The following TUBB6 variants were observed in gnomAD, a reference collection of about 807,000 sequenced individuals.
TUBB6 encodes tubulin beta-6 chain.
A neutral mutation model predicts 32.3 loss-of-function variants in TUBB6; 18 were observed. That is an observed-to-expected ratio of 0.56 (90% confidence interval 0.39 to 0.83). The LOEUF (loss-of-function observed/expected upper bound fraction) is 0.83, where lower values mean the gene tolerates loss of function less well. TUBB6 is among the 40% of genes least tolerant of loss of function. The probability of loss-of-function intolerance (pLI) is 0.00; values close to 1 mark genes in which losing one functional copy is unlikely to be tolerated. For synonymous variants in TUBB6, 280 were observed against 265.8 expected, an observed-to-expected ratio of 1.05 and a Z score of -0.52; for missense variants, 480 against 632.0, an observed-to-expected ratio of 0.76 and a Z score of 2.58.
intron 2 of TUBB6, among the ~76,000 whole-genome samples, chr18:12,310,173 T>A (rs1906285768): frequency 6.6e-6 from 1 of 151,936 alleles, no homozygotes; most frequent in South Asian, 2.1e-4. Flanking sequence ...GTTCTAGGAT[T>A]TTTTTTCTTT....
intron 3 of TUBB6, among the ~76,000 whole-genome samples, chr18:12,324,597 C>T (rs578137925): frequency 3.3e-5 from 5 of 151,700 alleles, no homozygotes; most frequent in African/African-American, 1.2e-4. Flanking sequence ...CTACAGGCTC[C>T]CCACCACCAC....
chr18:12,308,553 C>T (rs1011564336), intron 1 of TUBB6, 134 bp from the exon 2 acceptor site: 5 of 786,976 alleles, frequency 6.4e-6, no homozygotes, highest in Non-Finnish European at 1.0e-5. Flanking sequence ...CCACCCCCAT[C>T]CCAACTGGGA....
upstream of TUBB6, chr18:12,307,731 C>G (rs1370055065): frequency 6.6e-6 from 1 of 152,122 alleles, no homozygotes; most frequent in African/African-American, 2.4e-5. Flanking sequence ...CTCTGTATCT[C>G]CGGAGACGGA....
chr18:12,326,082 T>C lies in TUBB6; in HGVS notation c.1293T>C (p.Asn431=). ...AGCAGTACCAGGATGCCACCGCCAA[T>C]GACGGGGAGGAAGCTTTTGAGGATG... The part of the protein sequence containing the change: ...EYQQYQDATA[N]DGEEAFEDEE... Residue 431 remains asparagine (N), a synonymous_variant, in exon 4 of 4, where the codon AAT becomes AAC. Transcript: ENST00000317702. 6.2e-7 allele frequency: 1 copy of C among 1,614,128 alleles called. No homozygotes were observed. The highest frequency in any genetic ancestry group is 2.2e-5 in the East Asian group (1 of 44,872).
At chr18:12,314,360 G>A (rs1906556433) in intron 3 of TUBB6, among the ~76,000 whole-genome samples, 1 of 152,070 alleles carries the variant, frequency 6.6e-6, no homozygotes. Flanking sequence ...GATTTTTGGT[G>A]AGAATCTGAG....
At position 12,318,409 on chromosome 18, in the gene TUBB6, A is replaced by G. The variant is rs1456132680; in HGVS notation, c.278-6658A>G. On this transcript the variant is annotated intron_variant, in intron 3 of 3. Transcript: ENST00000317702. ...ATCCCCTGTTTGTAAGAGAACAGTC[A>G]CATACTAGATGCTGTCTACGGCTTG... Among the ~76,000 whole-genome samples the G allele has an allele frequency of 6.1e-5, 9 of 148,520 alleles. No homozygotes were observed. In the South Asian group the frequency reaches 1.7e-3, roughly 29 times the overall value.
rs1471670493 is a variant in TUBB6 at position 12,310,268 on chromosome 18, TCA to T, written c.167-672_167-671del. On this transcript the variant is annotated intron_variant, in intron 2 of 3. Coordinates refer to ENST00000317702, the MANE Select transcript of TUBB6 (RefSeq NM_032525.3). ...ACTTTGGGAGGCCGAGGTGGGCAGA[TCA>T]CAAGGTCAGGAGATCGAGACCATCC... Among the ~76,000 whole-genome samples the T allele has an allele frequency of 2.6e-5, 4 of 151,810 alleles. No homozygotes were observed. In the East Asian group the frequency reaches 7.7e-4, roughly 29 times the overall value.
chr18:12,312,892 G>C (rs574801913), intron 3 of TUBB6, among the ~76,000 whole-genome samples: 1 of 151,446 alleles, frequency 6.6e-6, no homozygotes, highest in African/African-American at 2.4e-5. Flanking sequence ...CCAGCTACTC[G>C]GGAGGCTGAG....
chr18:12,316,210 C>A (rs1906667318), intron 3 of TUBB6, among the ~76,000 whole-genome samples: 1 of 152,232 alleles, frequency 6.6e-6, no homozygotes. Context: ...GCATCACAAA[C>A]TATTGAAGTG....
At chr18:12,315,264 G>C (rs1161536028) in intron 3 of TUBB6, among the ~76,000 whole-genome samples, 3 of 152,108 alleles carry the variant, frequency 2.0e-5, no homozygotes, top group African/African-American at 7.2e-5. Flanking sequence ...CAATAATCAG[G>C]AAGCTGTTTC....
downstream of TUBB6, among the ~76,000 whole-genome samples, chr18:12,328,015 C>T (rs970152992): frequency 6.6e-6 from 1 of 152,200 alleles, no homozygotes; most frequent in African/African-American, 2.4e-5. Context: ...CTTCATTGGG[C>T]ACCTCCCAAA....
Position 12,318,784 on chromosome 18 carries a change from G to T in TUBB6, c.278-6283G>T, listed in dbSNP as rs575689735. Among the ~76,000 whole-genome samples the T allele has an allele frequency of 1.0e-3, 154 of 152,202 alleles. 1 individual carries two copies. The highest frequency in any genetic ancestry group is 3.2e-3 in the African/African-American group (133 of 41,512). ...TGTTTGTTTGTTTGTTTGAGATGGG[G>T]TCTCGCCTTGTCACCCAGGCTGGAG... On this transcript the variant is annotated intron_variant, in intron 3 of 3. Coordinates refer to ENST00000317702, the MANE Select transcript of TUBB6 (RefSeq NM_032525.3).
intron 3 of TUBB6, chr18:12,324,853 A>C: frequency 1.4e-6 from 2 of 1,386,766 alleles, no homozygotes; most frequent in Non-Finnish European, 1.9e-6. Context: ...ATGTATATAC[A>C]TCTTTAAAAT....
downstream of TUBB6, among the ~76,000 whole-genome samples, chr18:12,327,608 C>G (rs776467684): frequency 4.6e-5 from 7 of 152,184 alleles, no homozygotes; most frequent in Non-Finnish European, 8.8e-5. Flanking sequence ...AAAACATGTT[C>G]TGTGTGACCG....
chr18:12,324,976 G>A, intron 3 of TUBB6, 91 bp from the exon 4 acceptor site: 2 of 1,511,818 alleles, frequency 1.3e-6, no homozygotes, highest in Non-Finnish European at 1.8e-6. Context: ...GCACATCATG[G>A]AATCACTTCA....
At chr18:12,316,925 C>G (rs1906703229) in intron 3 of TUBB6, among the ~76,000 whole-genome samples, 1 of 151,970 alleles carries the variant, frequency 6.6e-6, no homozygotes, top group African/African-American at 2.4e-5. Context: ...TTGGGAGGCG[C>G]AGACAGGCAG....
intron 3 of TUBB6, 108 bp downstream of exon 3, chr18:12,311,161 A>C (rs1238748457): frequency 7.1e-6 from 7 of 982,560 alleles, no homozygotes; most frequent in Non-Finnish European, 9.1e-6. Flanking sequence ...TGTGAATGGA[A>C]ATCAGTGGTT....
intron 1 of TUBB6, 79 bp downstream of exon 1, chr18:12,308,428 G>C: frequency 8.6e-7 from 1 of 1,156,238 alleles, no homozygotes; most frequent in African/African-American, 1.6e-5. Flanking sequence ...ACCCCCGCCG[G>C]GGCGCGCACC....
Position 12,310,992 on chromosome 18 carries a change from C to T in TUBB6, c.216C>T (p.Thr72=). 2.5e-6 allele frequency: 4 copies of T among 1,613,842 alleles called. No individual in the cohort carries two copies. Among genetic ancestry groups the T allele is most frequent in the Non-Finnish European group, 3.4e-6 (4 of 1,179,840 alleles). Residue 72 remains threonine, a synonymous_variant, in exon 3 of 4, where the codon ACC becomes ACT. Transcript: ENST00000317702. ...CCCTGGTGGACTTAGAGCCAGGCAC[C>T]ATGGACAGCGTGCGGTCTGGGCCTT... ...RAALVDLEPG[T]MDSVRSGPFG... is the part of the protein sequence containing the mutation.
Sources: allele counts gnomAD v4.1 joint callset (sites outside exome capture counted in the v4.1 genomes callset), GRCh38; gene constraint gnomAD v4.1.1; transcripts MANE v1.5; gene names NCBI Gene and HGNC (gene_info 2026-07-23, HGNC 2026-07-21).